The following EDRF1 variants were observed in gnomAD, a reference collection of about 807,000 sequenced individuals.
EDRF1 encodes erythroid differentiation-related factor 1.
Under a neutral mutation model 148.7 loss-of-function variants are expected in EDRF1, and 69 were observed. That is an observed-to-expected ratio of 0.46 (90% CI 0.38 to 0.57). The LOEUF (loss-of-function observed/expected upper bound fraction) is 0.57. EDRF1 is among the 20% of genes least tolerant of loss of function. The pLI is 0.00. For synonymous variants in EDRF1, 515 were observed against 532.8 expected (o/e 0.97, Z 0.46); for missense variants, 1,118 against 1,478.7 (o/e 0.76, Z 4.00).
At chr10:125,734,556 A>G (rs961881069) in intron 12 of EDRF1, among the ~76,000 whole-genome samples, 2 of 152,146 alleles carry the variant, frequency 1.3e-5, no homozygotes, top group Admixed American at 1.3e-4. Context: ...GCACTGCTCA[A>G]TGAATTTAGA....
intron 4 of EDRF1, among the ~76,000 whole-genome samples, chr10:125,724,577 A>G (rs1326040782): frequency 6.6e-6 from 1 of 152,242 alleles, no homozygotes; most frequent in Non-Finnish European, 1.5e-5. Flanking sequence ...GGACAAAATC[A>G]CCTAATGACG....
chr10:125,756,277 A>G (rs2133762427), intron 24 of EDRF1, among the ~76,000 whole-genome samples: 1 of 152,230 alleles, frequency 6.6e-6, no homozygotes, highest in African/African-American at 2.4e-5. Context: ...TGCTAGTTGA[A>G]TTCTATTATG....
Position 125,753,694 on chromosome 10 carries a change from C to G in EDRF1, c.3394C>G (p.Pro1132Ala), listed in dbSNP as rs768277458. The change falls in exon 24 of 25, where the codon CCT becomes GCT. Residue 1132 changes from proline to alanine, a missense_variant and splice_region_variant. By Grantham distance (27) the Pro-to-Ala change is conservative. Transcript: ENST00000356792. The stretch of plus-strand genomic sequence containing the variant: ...TAAAATAACTTTTTGTTGTTTTTAG[C>G]CTAAGAGTGGTGACGCCGCTGCAGC... ...QKELIEEFGQ[P>A]KSGDAAAAAD... is the part of the protein sequence containing the mutation. 5 of 1,613,708 alleles carry G rather than the reference C, an allele frequency of 3.1e-6. No homozygotes were observed. In the Admixed American group the frequency reaches 8.3e-5, roughly 27 times the overall value.
chr10:125,722,036 A>G (rs1365328625), intron 2 of EDRF1, among the ~76,000 whole-genome samples: 2 of 152,238 alleles, frequency 1.3e-5, no homozygotes, highest in Admixed American at 1.3e-4. Flanking sequence ...TTGTAGCAAG[A>G]GGCACAAATA....
In EDRF1 at chr10:125,743,643, G is replaced by A. The variant is rs528095220; in HGVS notation, c.2590+367G>A. On this transcript the variant is annotated intron_variant, in intron 18 of 24. Coordinates refer to ENST00000356792, the MANE Select transcript of EDRF1 (RefSeq NM_001202438.2). ...CCTCAAAATGCTGTGGATGAGTACC[G>A]ACGAAGTATAATGGGAGACTGGGGA... 5.3e-5 allele frequency among the ~76,000 whole-genome samples: 8 copies of A among 152,298 alleles called. No individual in the cohort carries two copies. The South Asian group carries it at 8.3e-4, about 16-fold the overall frequency.
At chr10:125,734,303 A>G in intron 12 of EDRF1, 120 bp downstream of exon 12, 2 of 773,960 alleles carry the variant, frequency 2.6e-6, no homozygotes, top group East Asian at 2.6e-5. Context: ...TGTGGTAGCC[A>G]TTAGCACATG....
At chr10:125,719,964 C>A (rs748552701) in intron 1 of EDRF1, 49 bp downstream of exon 1, 3 of 1,524,786 alleles carry the variant, frequency 2.0e-6, no homozygotes, top group African/African-American at 1.4e-5. Flanking sequence ...GAGCGGAGGA[C>A]CCGCTCCACC....
At chr10:125,742,638 A>G (rs1849090397) in intron 17 of EDRF1, 1 of 985,252 alleles carries the variant, frequency 1.0e-6, no homozygotes, top group Admixed American at 6.1e-5. Context: ...ACTAGATGGC[A>G]TTTTTAATCT....
Position 125,729,410 on chromosome 10 carries a change from A to G in EDRF1, c.947A>G (p.His316Arg). 1 of 1,613,846 alleles carries G rather than the reference A, an allele frequency of 6.2e-7. No individual in the cohort carries two copies. Among genetic ancestry groups the G allele is most frequent in the Non-Finnish European group, 8.5e-7 (1 of 1,179,694 alleles). Residue 316 changes from histidine (H) to arginine (R), a missense_variant, in exon 8 of 25, where the codon CAT (histidine) becomes CGT (arginine). Around this residue, in one of 3 missense-constraint regions of EDRF1, gnomAD observed 954 missense variants for 1,241.4 expected, o/e 0.77. Coordinates refer to ENST00000356792, the MANE Select transcript of EDRF1 (RefSeq NM_001202438.2). Reference protein sequence around the residue: ...RNILWTFEDIHMLVGSNMPIF... With the variant: ...RNILWTFEDIRMLVGSNMPIF... ...ATTCTATGGACATTTGAAGATATCC[A>G]TATGTTGGTCGGCTCCAACATGCCC...
chr10:125,725,235 G>T, intron 4 of EDRF1, 83 bp from the exon 5 acceptor site: 1 of 1,521,664 alleles, frequency 6.6e-7, no homozygotes, highest in Non-Finnish European at 9.1e-7. Context: ...AAAATAATAG[G>T]AGCCTTTTCT....
intron 3 of EDRF1, 141 bp from the exon 4 acceptor site, chr10:125,723,670 C>T: frequency 1.2e-6 from 1 of 863,550 alleles, no homozygotes; most frequent in Non-Finnish European, 1.8e-6. Flanking sequence ...TTGCATGTAG[C>T]TTTTTGTTTA....
chr10:125,730,125 C>A, intron 8 of EDRF1, 163 bp from the exon 9 acceptor site: 2 of 608,496 alleles, frequency 3.3e-6, no homozygotes, highest in East Asian at 5.6e-5. Flanking sequence ...TATAGCACAA[C>A]CACTGAGCTG....
At chr10:125,741,298 T>C in intron 17 of EDRF1, 97 bp downstream of exon 17, 1 of 1,087,484 alleles carries the variant, frequency 9.2e-7, no homozygotes, top group Non-Finnish European at 1.4e-6. Flanking sequence ...AATATTAGAG[T>C]TTTGATATTT....
At chr10:125,735,587 A>C (rs1848685557) in intron 12 of EDRF1, 57 bp from the exon 13 acceptor site, 1 of 1,572,698 alleles carries the variant, frequency 6.4e-7, no homozygotes, top group African/African-American at 1.4e-5. Flanking sequence ...TATGGTAGTA[A>C]AATTCATGTA....
intron 16 of EDRF1, 40 bp downstream of exon 16, chr10:125,740,691 AAG>A: frequency 6.3e-7 from 1 of 1,590,074 alleles, no homozygotes; most frequent in Non-Finnish European, 8.6e-7. Context: ...AGGCACTGGG[AAG>A]AGAGAACAGA....
At chr10:125,743,795 G>C (rs1294609091) in intron 18 of EDRF1, among the ~76,000 whole-genome samples, 1 of 152,202 alleles carries the variant, frequency 6.6e-6, no homozygotes, top group South Asian at 2.1e-4. Flanking sequence ...AGACCAAGGA[G>C]GCGGTGTGAG....
rs375440240 is a variant in EDRF1, at chr10:125,740,578, G to A, written c.2097G>A (p.Leu699=). 1.1e-5 allele frequency: 18 copies of A among 1,613,938 alleles called. No individual in the cohort carries two copies. Among genetic ancestry groups the A allele is most frequent in the Non-Finnish European group, 1.5e-5 (18 of 1,180,012 alleles). ...AGTCATCAAAGGCCTATTATGTTTTGTCCGATGCTGCCATGAGTCTTCAGA... is the reference window on the plus strand; with the variant it reads ...AGTCATCAAAGGCCTATTATGTTTTATCCGATGCTGCCATGAGTCTTCAGA... The part of the protein sequence containing the change: ...ILKSSKAYYV[L]SDAAMSLQKY... The change falls in exon 16 of 25, where the codon TTG becomes TTA. Residue 699 remains leucine (L), a synonymous_variant. Transcript: ENST00000356792.
At chr10:125,748,192 G>A (rs547477359) in intron 21 of EDRF1, 180 bp downstream of exon 21, 12 of 721,284 alleles carry the variant, frequency 1.7e-5, no homozygotes, top group East Asian at 1.6e-4. Context: ...CAATATGTCC[G>A]CATTGTGCTC....
At chr10:125,741,767 C>CA (rs1438218499) in intron 17 of EDRF1, 1 of 179,058 alleles carries the variant, frequency 5.6e-6, no homozygotes, top group Non-Finnish European at 1.2e-5. Flanking sequence ...AGTCTTGGCT[C>CA]ACTGCAACCT....
Sources: allele counts gnomAD v4.1 joint callset (sites outside exome capture counted in the v4.1 genomes callset), GRCh38; gene constraint gnomAD v4.1.1; regional missense constraint gnomAD v4.1.1; transcripts MANE v1.5; gene names NCBI Gene and HGNC (gene_info 2026-07-23, HGNC 2026-07-21).